Variants in ARNT2 observed in about 807,000 individuals in gnomAD.
The protein encoded by ARNT2 is ARNT protein 2.
A neutral mutation model predicts 91.7 loss-of-function variants in ARNT2; 36 were observed. The observed-to-expected ratio is 0.39, with a 90% confidence interval of 0.30 to 0.52. The LOEUF (loss-of-function observed/expected upper bound fraction) is 0.52. Ranked by LOEUF, ARNT2 falls within the 20% of genes least tolerant of loss-of-function variation. The pLI is 0.72. For missense variants in ARNT2, 775 were observed against 939.3 expected (o/e 0.83, Z 2.29); for synonymous variants, 365 against 347.1 (o/e 1.05, Z -0.57).
intron 8 of ARNT2, among the ~76,000 whole-genome samples, chr15:80,518,926 T>G (rs536057086): frequency 0.017 from 2,661 of 152,156 alleles, 84 homozygotes; most frequent in African/African-American, 0.061. Flanking sequence ...TACCAGAGAT[T>G]GGGGGGGTGA....
At chr15:80,456,158 C>G (rs1896478484) in intron 2 of ARNT2, among the ~76,000 whole-genome samples, 1 of 152,156 alleles carries the variant, frequency 6.6e-6, no homozygotes, top group Admixed American at 6.6e-5. Flanking sequence ...CATTCAGCTC[C>G]CACTTGTCCA....
At chr15:80,421,218 A>T (rs1895855791) in intron 1 of ARNT2, among the ~76,000 whole-genome samples, 1 of 152,178 alleles carries the variant, frequency 6.6e-6, no homozygotes, top group Non-Finnish European at 1.5e-5. Context: ...GTGCAGGGGC[A>T]TACAGGGTAG....
At chr15:80,590,406 C>T (rs1008116142) in intron 17 of ARNT2, among the ~76,000 whole-genome samples, 1 of 152,148 alleles carries the variant, frequency 6.6e-6, no homozygotes, top group Non-Finnish European at 1.5e-5. Context: ...ATTCCACTTA[C>T]TGGATCCTCT....
chr15:80,498,422 A>G (rs555740559), intron 5 of ARNT2, among the ~76,000 whole-genome samples: 3 of 152,366 alleles, frequency 2.0e-5, no homozygotes, highest in South Asian at 4.1e-4. Flanking sequence ...AACAGTGACC[A>G]TATTGTATAT....
chr15:80,412,836 C>T (rs1895706638), intron 1 of ARNT2, among the ~76,000 whole-genome samples: 1 of 152,198 alleles, frequency 6.6e-6, no homozygotes, highest in African/African-American at 2.4e-5. Context: ...TTTTATACTG[C>T]TGTCCACAAA....
chr15:80,577,485 A>G (rs754329338), intron 15 of ARNT2, among the ~76,000 whole-genome samples: 20 of 152,216 alleles, frequency 1.3e-4, no homozygotes, highest in Non-Finnish European at 1.9e-4. Context: ...CCCTGACATC[A>G]TCACTGGAGG....
At chr15:80,443,124 C>G (rs1022190847) in intron 1 of ARNT2, 1 of 710,498 alleles carries the variant, frequency 1.4e-6, no homozygotes, top group African/African-American at 1.9e-5. Context: ...TGAGCAAAAT[C>G]TAAATGACTG....
At chr15:80,485,812 A>G (rs7178949) in intron 5 of ARNT2, among the ~76,000 whole-genome samples, 6,534 of 152,294 alleles carry the variant, frequency 0.043, 295 homozygotes, top group East Asian at 0.13. Context: ...GTCATAGGAC[A>G]ACCAGACAGG....
At chr15:80,574,932 A>G (rs1898643387) in intron 13 of ARNT2, 55 bp from the exon 14 acceptor site, 2 of 1,586,040 alleles carry the variant, frequency 1.3e-6, no homozygotes, top group African/African-American at 1.3e-5. Context: ...CTGGGGACGC[A>G]TGTTCTGTGC....
At chr15:80,588,494 A>G (rs1893217360) in intron 17 of ARNT2, among the ~76,000 whole-genome samples, 1 of 151,140 alleles carries the variant, frequency 6.6e-6, no homozygotes, top group Admixed American at 6.6e-5. Flanking sequence ...AAAAACCTTC[A>G]GTGTTTCTCT....
intron 12 of ARNT2, among the ~76,000 whole-genome samples, chr15:80,567,980 C>T (rs773031395): frequency 2.0e-5 from 3 of 152,070 alleles, no homozygotes; most frequent in South Asian, 4.1e-4. Flanking sequence ...GAGGGGATGG[C>T]GAGGGTGGAG....
chr15:80,596,879 T>C lies in ARNT2; in HGVS notation c.*3181T>C, dbSNP rs1355923317. 1.8e-5 allele frequency: 6 copies of C among 328,768 alleles called. No individual in the cohort carries two copies. The highest frequency in any genetic ancestry group is 3.6e-5 in the Non-Finnish European group (6 of 165,988). 20.4% of individuals were successfully genotyped at this position (328,768 alleles called of 1,614,324 possible). ...GACTGGGTCAGTGATGGCAACAGGA[T>C]GGCCAAGGATGGCTCTAGAACACTC... On this transcript the variant is annotated 3_prime_UTR_variant, in exon 19 of 19. Transcript: ENST00000303329.
rs148501803 is a variant in ARNT2, at chr15:80,454,494, T to C, written c.147-3435T>C. ...CAAGTTACTTGTAGCCATCTCCCTC[T>C]AAGGTAACCCTGGGAGCTGCTGGAA... On this transcript the variant is annotated intron_variant, in intron 2 of 18. Transcript: ENST00000303329. Among the ~76,000 whole-genome samples, 626 of 152,360 alleles carry C rather than the reference T, an allele frequency of 4.1e-3. 9 individuals are homozygous for C. Among genetic ancestry groups the C allele is most frequent in the African/African-American group, 0.014 (598 of 41,578 alleles).
chr15:80,440,618 A>G (rs1285869376), intron 1 of ARNT2, among the ~76,000 whole-genome samples: 1 of 152,102 alleles, frequency 6.6e-6, no homozygotes, highest in East Asian at 1.9e-4. Context: ...GTGGGAGGGC[A>G]TCTCCCCGGG....
In ARNT2 at chr15:80,580,520, A is replaced by T; in HGVS notation, c.1723A>T (p.Thr575Ser). The T allele has an allele frequency of 6.2e-7, 1 of 1,614,106 alleles. No homozygotes were observed. Among genetic ancestry groups the T allele is most frequent in the Non-Finnish European group, 8.5e-7 (1 of 1,180,016 alleles). ...GCTAAACCAGAGTCAGGTGGCATGGACAGGGAGTCGTCCGCCCTTTCCGGG... is the reference window on the plus strand; with the variant it reads ...GCTAAACCAGAGTCAGGTGGCATGGTCAGGGAGTCGTCCGCCCTTTCCGGG... The part of the protein sequence containing the change: ...RQLNQSQVAW[T>S]GSRPPFPGQQ... Residue 575 changes from threonine to serine, a missense_variant, in exon 16 of 19, where the codon ACA (threonine) becomes TCA (serine). By Grantham distance (58) the Thr-to-Ser change is moderately conservative. This residue lies in a region of ARNT2 where 325 missense variants were observed against 359.9 expected (regional missense o/e 0.90). Transcript: ENST00000303329.
chr15:80,428,517 C>G (rs1895963050), intron 1 of ARNT2, among the ~76,000 whole-genome samples: 1 of 152,234 alleles, frequency 6.6e-6, no homozygotes, highest in African/African-American at 2.4e-5. Flanking sequence ...CTTGAAACCA[C>G]TGTCCACTGA....
At chr15:80,530,206 C>T (rs11856676) in intron 8 of ARNT2, among the ~76,000 whole-genome samples, 76,027 of 152,044 alleles carry the variant, frequency 0.5, 20,429 homozygotes, top group African/African-American at 0.7. Flanking sequence ...GGCCCTGACA[C>T]GGGCAGAAGA....
At chr15:80,568,297 G>A (rs944410931) in intron 12 of ARNT2, among the ~76,000 whole-genome samples, 2 of 152,324 alleles carry the variant, frequency 1.3e-5, no homozygotes, top group African/African-American at 2.4e-5. Flanking sequence ...CGACCTAGCT[G>A]CTGTGCTTTC....
chr15:80,462,592 C>T (rs770623663), intron 3 of ARNT2, among the ~76,000 whole-genome samples: 3 of 152,210 alleles, frequency 2.0e-5, no homozygotes, highest in South Asian at 2.1e-4. Flanking sequence ...AAGGAGTTCT[C>T]GTATCTGTTG....
Sources: allele counts gnomAD v4.1 joint callset (sites outside exome capture counted in the v4.1 genomes callset), GRCh38; gene constraint gnomAD v4.1.1; regional missense constraint gnomAD v4.1.1; transcripts MANE v1.5; gene names NCBI Gene and HGNC (gene_info 2026-07-23, HGNC 2026-07-21).